Variants in CEP192 observed in about 807,000 individuals in gnomAD.
CEP192 encodes centrosomal protein 192.
CEP192 carries 151 observed loss-of-function variants against 271.8 expected under a neutral mutation model. That is an observed-to-expected ratio of 0.56 (90% CI 0.49 to 0.64). The LOEUF (loss-of-function observed/expected upper bound fraction) is 0.64, where lower values mean the gene tolerates loss of function less well. CEP192 is among the 30% of genes least tolerant of loss of function. CEP192 has a pLI of 0.00. For synonymous variants in CEP192, 995 were observed against 1,076.5 expected (o/e 0.92, Z 1.48); for missense variants, 2,910 against 3,020.5 (o/e 0.96, Z 0.86).
chr18:13,020,213 C>T lies in CEP192; in HGVS notation c.1050+1007C>T, dbSNP rs904950618. 2.0e-5 allele frequency among the ~76,000 whole-genome samples: 3 copies of T among 152,162 alleles called. No individual in the cohort carries two copies. In the East Asian group the frequency reaches 5.8e-4, roughly 29 times the overall value. On this transcript the variant is annotated intron_variant, in intron 9 of 44. Coordinates refer to ENST00000506447, the MANE Select transcript of CEP192 (RefSeq NM_032142.4). The stretch of plus-strand genomic sequence containing the variant: ...TTCATCTTGTAAAACAAACTCTACC[C>T]ATTAAACAACAAACCTCAGTTCCCT...
intron 13 of CEP192, among the ~76,000 whole-genome samples, chr18:13,038,889 A>G (rs376354841): frequency 4.9e-4 from 75 of 152,368 alleles, no homozygotes; most frequent in African/African-American, 6.3e-4. Flanking sequence ...CCAACATGTA[A>G]TAAGTATTTA....
intron 19 of CEP192, 152 bp downstream of exon 19, chr18:13,056,850 A>C: frequency 1.4e-6 from 1 of 715,896 alleles, no homozygotes; most frequent in Non-Finnish European, 2.3e-6. Context: ...ATTTCTGTGC[A>C]AGCGTCCCTA....
At chr18:13,057,997 T>C (rs2037204869) in intron 20 of CEP192, 1 of 215,486 alleles carries the variant, frequency 4.6e-6, no homozygotes, top group Non-Finnish European at 9.0e-6. Context: ...AGTGCTATTA[T>C]TTAAATCATC....
Position 13,094,995 on chromosome 18 carries a change from GC to G in CEP192, c.6255-507del, listed in dbSNP as rs572558924. ...GACGCAGACTGGCTGAGTGTTCCCT[GC>G]AAGTCCCAGTGCCACCACCCACCCC... On this transcript the variant is annotated intron_variant, in intron 34 of 44. Transcript: ENST00000506447. Among the ~76,000 whole-genome samples the G allele has an allele frequency of 3.1e-3, 466 of 152,172 alleles. 2 individuals carry two copies. Among genetic ancestry groups the G allele is most frequent in the Middle Eastern group, 0.014 (4 of 294 alleles).
At chr18:13,113,467 C>CCA (rs1302199284) in intron 40 of CEP192, 119 bp from the exon 41 acceptor site, 2 of 940,748 alleles carry the variant, frequency 2.1e-6, no homozygotes, top group Non-Finnish European at 3.3e-6. Context: ...GCAAAACTAG[C>CCA]CAGTGCAAAA....
At chr18:13,073,235 ATAAC>A (rs1236779439) in intron 30 of CEP192, 50 bp downstream of exon 30, 11 of 1,455,252 alleles carry the variant, frequency 7.6e-6, no homozygotes, top group Non-Finnish European at 1.0e-5. Flanking sequence ...ATGCCATTTT[ATAAC>A]TATTGGTTTA....
intron 30 of CEP192, among the ~76,000 whole-genome samples, chr18:13,076,047 C>A (rs1034299546): frequency 1.3e-5 from 2 of 152,248 alleles, no homozygotes. Flanking sequence ...GACAAGAGTG[C>A]TACTGGCACC....
intron 11 of CEP192, among the ~76,000 whole-genome samples, chr18:13,035,380 G>T (rs2035862419): frequency 6.6e-6 from 1 of 152,198 alleles, no homozygotes; most frequent in Non-Finnish European, 1.5e-5. Flanking sequence ...CAGAATCATG[G>T]TGGGAGGCAA....
At chr18:13,087,314 C>T in intron 31 of CEP192, 37 bp downstream of exon 31, 3 of 1,516,284 alleles carry the variant, frequency 2.0e-6, no homozygotes, top group South Asian at 1.2e-5. Context: ...AACATCAACT[C>T]ATTTTAAAAT....
At chr18:13,023,944 C>G (rs1402008538) in intron 9 of CEP192, among the ~76,000 whole-genome samples, 1 of 152,012 alleles carries the variant, frequency 6.6e-6, no homozygotes, top group African/African-American at 2.4e-5. Context: ...GAGTTTTTTT[C>G]TGATAAGAAG....
intron 42 of CEP192, among the ~76,000 whole-genome samples, chr18:13,114,838 T>C (rs2040359909): frequency 6.6e-6 from 1 of 152,234 alleles, no homozygotes; most frequent in Non-Finnish European, 1.5e-5. Flanking sequence ...CCTAAATAGT[T>C]GTACCATTTT....
chr18:13,034,065 AAAAGCTCTTT>A (rs2143643077), intron 11 of CEP192, among the ~76,000 whole-genome samples: 1 of 152,320 alleles, frequency 6.6e-6, no homozygotes, highest in South Asian at 2.1e-4. Flanking sequence ...GTTAACTTTG[AAAAGCTCTTT>A]ATTGTGGTGT....
chr18:13,049,541 C>A lies in CEP192; in HGVS notation c.2750C>A (p.Ser917Tyr). The A allele has an allele frequency of 6.2e-7, 1 of 1,613,932 alleles. No homozygotes were observed. Among genetic ancestry groups the A allele is most frequent in the Non-Finnish European group, 8.5e-7 (1 of 1,179,966 alleles). ...YSSVRNPRITSLCLLKDCEEI... is the reference protein window; with the variant it reads ...YSSVRNPRITYLCLLKDCEEI... Reference sequence around the variant, plus strand: ...TCAGTGAGGAACCCCAGAATAACATCCCTTTGTCTGTTAAAAGACTGTGAA... The same window carrying A: ...TCAGTGAGGAACCCCAGAATAACATACCTTTGTCTGTTAAAAGACTGTGAA... The change falls in exon 16 of 45, where the codon TCC becomes TAC. Residue 917 changes from serine to tyrosine, a missense_variant. Ser to Tyr is a moderately radical substitution (Grantham distance 144). Transcript: ENST00000506447.
Position 13,042,351 on chromosome 18 carries a change from G to C in CEP192, c.2067+17G>C, listed in dbSNP as rs757330915. 3 of 1,612,638 alleles carry C rather than the reference G, an allele frequency of 1.9e-6. No individual in the cohort carries two copies. The highest frequency in any genetic ancestry group is 2.5e-6 in the Non-Finnish European group (3 of 1,179,238). ...AAAACAGAGGTAGCTTCAGCCTTTCGTAAGGAAATCTAAGATTATCTTGTT... is the reference window on the plus strand; with the variant it reads ...AAAACAGAGGTAGCTTCAGCCTTTCCTAAGGAAATCTAAGATTATCTTGTT... On this transcript the variant is annotated intron_variant, in intron 15 of 44. Transcript: ENST00000506447.
chr18:13,107,883 CA>C (rs58195253), intron 40 of CEP192, among the ~76,000 whole-genome samples: 63,530 of 130,676 alleles, frequency 0.49, 14,052 homozygotes, highest in Middle Eastern at 0.55. Context: ...ATAGTATCTC[CA>C]AAAAAAAAAA....
chr18:13,033,863 T>A (rs1338738775), intron 11 of CEP192, among the ~76,000 whole-genome samples: 2 of 152,168 alleles, frequency 1.3e-5, no homozygotes, highest in Non-Finnish European at 2.9e-5. Flanking sequence ...CATACAGATA[T>A]TTGTAAATAC....
intron 40 of CEP192, 94 bp from the exon 41 acceptor site, chr18:13,113,492 A>G (rs1046204801): frequency 2.1e-5 from 27 of 1,269,296 alleles, no homozygotes; most frequent in Non-Finnish European, 2.8e-5. Flanking sequence ...TTGTTCCTTT[A>G]ATTTTTTTCA....
chr18:13,042,249 T>C lies in CEP192; in HGVS notation c.1982T>C (p.Ile661Thr). Residue 661 changes from isoleucine to threonine, a missense_variant, in exon 15 of 45, where the codon ATT becomes ACT. Coordinates refer to ENST00000506447, the MANE Select transcript of CEP192 (RefSeq NM_032142.4). ...CAGGCACAGCTAAGTGAAGGATCAA[T>C]TACACTTCAGGTTGAAGCAGTAGAG... ...QSQAQLSEGS[I>T]TLQVEAVEST... is the part of the protein sequence containing the mutation. The C allele has an allele frequency of 6.2e-7, 1 of 1,613,282 alleles. No individual in the cohort carries two copies. Among genetic ancestry groups the C allele is most frequent in the Non-Finnish European group, 8.5e-7 (1 of 1,179,208 alleles).
chr18:13,010,472 A>G (rs897032684), intron 4 of CEP192, among the ~76,000 whole-genome samples: 2 of 152,226 alleles, frequency 1.3e-5, no homozygotes, highest in African/African-American at 4.8e-5. Flanking sequence ...TTATCACTCA[A>G]ATAAGCAATA....
Sources: gnomAD v4.1 joint callset for allele counts (sites outside exome capture counted in the v4.1 genomes callset) on GRCh38, gnomAD v4.1.1 for gene constraint, MANE v1.5 for transcripts, NCBI Gene and HGNC (gene_info 2026-07-23, HGNC 2026-07-21) for gene names.